Variants in SPAG16 observed in about 807,000 individuals in gnomAD.
SPAG16 encodes sperm-associated antigen 16 protein.
SPAG16 carries 86 observed loss-of-function variants against 80.4 expected under a neutral mutation model. The ratio of observed to expected loss-of-function variants is 1.07; its 90% CI spans 0.90 to 1.28. SPAG16 has a LOEUF of 1.28. Ranked by LOEUF, SPAG16 falls within the 50% of genes most tolerant of loss-of-function variation. SPAG16 has a pLI of 0.00. For synonymous variants in SPAG16, 294 were observed against 265.9 expected, an observed-to-expected ratio of 1.11 and a Z score of -1.03; for missense variants, 870 against 765.3, an observed-to-expected ratio of 1.14 and a Z score of -1.61.
intron 11 of SPAG16, among the ~76,000 whole-genome samples, chr2:213,894,342 A>G (rs1233748591): frequency 6.6e-6 from 1 of 152,204 alleles, no homozygotes; most frequent in Admixed American, 6.5e-5. Flanking sequence ...AACAAAAACC[A>G]TATGATTATT....
chr2:213,846,774 G>T (rs1451832837), intron 10 of SPAG16, among the ~76,000 whole-genome samples: 1 of 151,948 alleles, frequency 6.6e-6, no homozygotes, highest in Non-Finnish European at 1.5e-5. Flanking sequence ...TAAGAAATTT[G>T]CACCAATTTA....
chr2:214,159,051 C>T lies in SPAG16; in HGVS notation c.1720+9785C>T, dbSNP rs572263981. On this transcript the variant is annotated intron_variant, in intron 15 of 15. Transcript: ENST00000331683. ...GAGAAATTAGTTGCGTAACTATACA[C>T]ATCTTAGTATCATCTAGGCAAGAAA... is the stretch of plus-strand genomic sequence containing the variant. Among the ~76,000 whole-genome samples, 10 of 152,008 alleles carry T rather than the reference C, an allele frequency of 6.6e-5. 1 individual carries two copies. Among genetic ancestry groups the T allele is most frequent in the South Asian group, 4.1e-4 (2 of 4,830 alleles).
chr2:213,986,989 T>C (rs747601951), intron 12 of SPAG16, among the ~76,000 whole-genome samples: 3 of 149,310 alleles, frequency 2.0e-5, no homozygotes, highest in African/African-American at 7.4e-5. Flanking sequence ...AAAAACAAAA[T>C]GCTACAAAGC....
At chr2:214,403,756 T>C (rs1701842894) in intron 15 of SPAG16, among the ~76,000 whole-genome samples, 1 of 152,208 alleles carries the variant, frequency 6.6e-6, no homozygotes, top group Non-Finnish European at 1.5e-5. Context: ...CTTGCTCTGC[T>C]GGGGGAATGG....
chr2:214,122,438 CA>C (rs781366733), intron 14 of SPAG16, among the ~76,000 whole-genome samples: 2 of 151,070 alleles, frequency 1.3e-5, no homozygotes, highest in East Asian at 3.8e-4. Flanking sequence ...CAGTGATAAA[CA>C]AAAAACTGCA....
intron 11 of SPAG16, among the ~76,000 whole-genome samples, chr2:213,917,969 G>T (rs2078044244): frequency 1.3e-5 from 2 of 151,836 alleles, no homozygotes; most frequent in South Asian, 4.2e-4. Flanking sequence ...ATTTATTGAG[G>T]GTTGTTAATG....
intron 15 of SPAG16, among the ~76,000 whole-genome samples, chr2:214,403,982 G>T (rs1263234546): frequency 1.3e-5 from 2 of 152,174 alleles, no homozygotes; most frequent in African/African-American, 4.8e-5. Flanking sequence ...TAGGTAGGTT[G>T]ATTTTTGTTA....
At chr2:214,247,286 T>A (rs750018652) in intron 15 of SPAG16, among the ~76,000 whole-genome samples, 11 of 152,142 alleles carry the variant, frequency 7.2e-5, no homozygotes, top group Non-Finnish European at 1.2e-4. Context: ...TATTCTTTTA[T>A]ATCTTTTTTC....
At chr2:214,189,546 A>G (rs988511050) in intron 15 of SPAG16, among the ~76,000 whole-genome samples, 1 of 152,108 alleles carries the variant, frequency 6.6e-6, no homozygotes, top group Non-Finnish European at 1.5e-5. Flanking sequence ...ATATTTTAAA[A>G]TAAGGGCTTG....
At chr2:213,674,582 T>C (rs2063963547) in intron 10 of SPAG16, among the ~76,000 whole-genome samples, 1 of 149,130 alleles carries the variant, frequency 6.7e-6, no homozygotes, top group Non-Finnish European at 1.5e-5. Context: ...CCCCTTTCTG[T>C]GTCCATGTGT....
chr2:213,286,098 A>C (rs1480736275), intron 1 of SPAG16, among the ~76,000 whole-genome samples: 1 of 152,234 alleles, frequency 6.6e-6, no homozygotes, highest in East Asian at 1.9e-4. Flanking sequence ...CTTAATGTGC[A>C]GGGAGATCAC....
intron 13 of SPAG16, among the ~76,000 whole-genome samples, chr2:214,103,347 C>T (rs1395210645): frequency 6.6e-6 from 1 of 152,204 alleles, no homozygotes; most frequent in Admixed American, 6.5e-5. Context: ...TGCCTAACTA[C>T]CTGTAGCACC....
chr2:213,967,293 A>G (rs1459265402), intron 12 of SPAG16, among the ~76,000 whole-genome samples: 1 of 152,176 alleles, frequency 6.6e-6, no homozygotes, highest in Non-Finnish European at 1.5e-5. Flanking sequence ...AAAATATGGC[A>G]GTCTACAAAT....
At chr2:214,288,396 T>G (rs997313817) in intron 15 of SPAG16, among the ~76,000 whole-genome samples, 4 of 152,222 alleles carry the variant, frequency 2.6e-5, no homozygotes, top group African/African-American at 9.6e-5. Context: ...CAAGTGCAGG[T>G]AGGTATCCCT....
At chr2:214,054,268 C>A (rs993970789) in intron 13 of SPAG16, among the ~76,000 whole-genome samples, 1 of 152,168 alleles carries the variant, frequency 6.6e-6, no homozygotes, top group Admixed American at 6.5e-5. Flanking sequence ...CCTTGGCCTC[C>A]CAAAGTGCTG....
At chr2:213,521,018 G>T (rs1193941387) in intron 10 of SPAG16, among the ~76,000 whole-genome samples, 1 of 152,138 alleles carries the variant, frequency 6.6e-6, no homozygotes, top group African/African-American at 2.4e-5. Context: ...CAGATGCTTT[G>T]ATTGGCAGGT....
intron 15 of SPAG16, among the ~76,000 whole-genome samples, chr2:214,335,469 A>AAT (rs35837849): frequency 0.11 from 16,500 of 149,946 alleles, 1,047 homozygotes; most frequent in Middle Eastern, 0.2. Flanking sequence ...AACATGGAGG[A>AAT]ATATATATAT....
chr2:213,578,805 T>C (rs1188857392), intron 10 of SPAG16, among the ~76,000 whole-genome samples: 1 of 152,216 alleles, frequency 6.6e-6, no homozygotes, highest in East Asian at 1.9e-4. Context: ...AATATTAAGG[T>C]AACAAATATC....
At chr2:213,853,054 TC>T (rs1434551090) in intron 10 of SPAG16, among the ~76,000 whole-genome samples, 3 of 152,178 alleles carry the variant, frequency 2.0e-5, no homozygotes, top group African/African-American at 7.2e-5. Flanking sequence ...AGGTAAGTGG[TC>T]ATCTAATGTT....
Sources: allele counts gnomAD v4.1 joint callset (sites outside exome capture counted in the v4.1 genomes callset), GRCh38; gene constraint gnomAD v4.1.1; transcripts MANE v1.5; gene names NCBI Gene and HGNC (gene_info 2026-07-23, HGNC 2026-07-21).